Variants in SLC35F3 observed in about 807,000 individuals in gnomAD.
SLC35F3 encodes solute carrier family 35 member F3, also known as putative thiamine transporter SLC35F3.
A neutral mutation model predicts 49.9 loss-of-function variants in SLC35F3; 25 were observed. The ratio of observed to expected loss-of-function variants is 0.50; its 90% CI spans 0.37 to 0.70. The LOEUF (loss-of-function observed/expected upper bound fraction) is 0.70. SLC35F3 is among the 30% of genes least tolerant of loss of function. The pLI is 0.00. For synonymous variants in SLC35F3, 275 were observed against 265.4 expected (o/e 1.04, Z -0.35); for missense variants, 525 against 639.8 (o/e 0.82, Z 1.94).
At chr1:234,000,288 A>G (rs1299852886) in intron 2 of SLC35F3, among the ~76,000 whole-genome samples, 1 of 152,230 alleles carries the variant, frequency 6.6e-6, no homozygotes, top group Non-Finnish European at 1.5e-5. Flanking sequence ...CTCAGAAACT[A>G]AAGATGGAAT....
intron 2 of SLC35F3, among the ~76,000 whole-genome samples, chr1:234,016,389 T>C (rs997321859): frequency 6.6e-6 from 1 of 152,204 alleles, no homozygotes; most frequent in Non-Finnish European, 1.5e-5. Flanking sequence ...GGAATCAACC[T>C]AAGGATCCAT....
intron 3 of SLC35F3, among the ~76,000 whole-genome samples, chr1:234,282,365 G>T (rs1196005007): frequency 2.6e-5 from 4 of 152,164 alleles, no homozygotes; most frequent in Non-Finnish European, 5.9e-5. Flanking sequence ...TACAGATGGG[G>T]CTGGACCCTG....
At chr1:234,122,455 T>C (rs1259562320) in intron 2 of SLC35F3, among the ~76,000 whole-genome samples, 4 of 152,186 alleles carry the variant, frequency 2.6e-5, no homozygotes, top group Non-Finnish European at 4.4e-5. Flanking sequence ...ATTTGGGGCA[T>C]TTTTTTAAAA....
intron 2 of SLC35F3, among the ~76,000 whole-genome samples, chr1:234,117,910 ATATGTGTGTGTGTGTGTG>A (rs1218422612): frequency 6.3e-5 from 5 of 79,656 alleles, no homozygotes; most frequent in African/African-American, 8.7e-5. Flanking sequence ...AAAAGACTAT[ATATGTGTGTGTGTGTGTG>A]TGTGTGTGTG....
chr1:233,969,069 G>GC (rs991224388), intron 2 of SLC35F3, among the ~76,000 whole-genome samples: 3 of 147,366 alleles, frequency 2.0e-5, no homozygotes. Context: ...TTGGGGGGGG[G>GC]GACACAATTC....
intron 2 of SLC35F3, among the ~76,000 whole-genome samples, chr1:233,980,020 G>T (rs764185051): frequency 6.6e-6 from 1 of 152,188 alleles, no homozygotes; most frequent in Non-Finnish European, 1.5e-5. Flanking sequence ...ATATAGCCAG[G>T]CTTCCTGGCA....
chr1:233,991,936 A>G (rs1474585857), intron 2 of SLC35F3, among the ~76,000 whole-genome samples: 2 of 152,234 alleles, frequency 1.3e-5, no homozygotes, highest in East Asian at 1.9e-4. Context: ...GAATTTTCCT[A>G]ACACAAAGAA....
At chr1:233,955,961 C>T (rs1265689131) in intron 2 of SLC35F3, among the ~76,000 whole-genome samples, 1 of 140,292 alleles carries the variant, frequency 7.1e-6, no homozygotes, top group Admixed American at 7.7e-5. Context: ...GATCTCGGCT[C>T]ACTGCAACTT....
At chr1:234,049,704 T>A (rs1477192078) in intron 2 of SLC35F3, among the ~76,000 whole-genome samples, 3 of 152,166 alleles carry the variant, frequency 2.0e-5, no homozygotes, top group East Asian at 3.9e-4. Flanking sequence ...TTGTTACATA[T>A]GTATACATGT....
At chr1:233,992,590 C>T (rs1452832366) in intron 2 of SLC35F3, among the ~76,000 whole-genome samples, 1 of 152,172 alleles carries the variant, frequency 6.6e-6, no homozygotes, top group Admixed American at 6.5e-5. Context: ...AGCACCAAAC[C>T]ATTCATGAGG....
intron 2 of SLC35F3, among the ~76,000 whole-genome samples, chr1:234,106,795 C>G (rs1281322647): frequency 1.3e-5 from 2 of 152,118 alleles, no homozygotes; most frequent in African/African-American, 4.8e-5. Flanking sequence ...ATGTATGGAG[C>G]TATTGCAACC....
intron 3 of SLC35F3, among the ~76,000 whole-genome samples, chr1:234,236,370 G>A (rs1342473798): frequency 6.6e-6 from 1 of 152,058 alleles, no homozygotes; most frequent in East Asian, 1.9e-4. Flanking sequence ...GCCTTGGGAG[G>A]TTAAGGCTGT....
At position 234,137,509 on chromosome 1, in the gene SLC35F3, G is replaced by T. The variant is rs577843665; in HGVS notation, c.284-93908G>T. ...TCTGTGGGGGTTGAGGAAGGAATGG[G>T]AAGTAAAGGACTTAAAGAGAGCTCA... On this transcript the variant is annotated intron_variant, in intron 2 of 7. Coordinates refer to ENST00000366618, the MANE Select transcript of SLC35F3 (RefSeq NM_173508.4). Among the ~76,000 whole-genome samples the T allele has an allele frequency of 6.9e-4, 105 of 152,192 alleles. 3 individuals carry two copies. The highest frequency in any genetic ancestry group is 1.6e-4 in the Non-Finnish European group (11 of 68,026).
At chr1:234,140,002 A>AATAAAAAAAATAAAATAAAATAAAAT in intron 2 of SLC35F3, among the ~76,000 whole-genome samples, 1 of 105,368 alleles carries the variant, frequency 9.5e-6, no homozygotes, top group South Asian at 2.6e-4. Context: ...AATAAAATAA[A>AATAAAAAAAATAAAATAAAATAAAAT]GTAAGTGACT....
At chr1:234,165,280 T>C (rs1217276826) in intron 2 of SLC35F3, among the ~76,000 whole-genome samples, 1 of 152,210 alleles carries the variant, frequency 6.6e-6, no homozygotes, top group Non-Finnish European at 1.5e-5. Flanking sequence ...AAGGAGTTTA[T>C]TTAACATGTC....
At chr1:233,912,136 A>G (rs1156409111) in intron 2 of SLC35F3, among the ~76,000 whole-genome samples, 1 of 152,114 alleles carries the variant, frequency 6.6e-6, no homozygotes, top group African/African-American at 2.4e-5. Context: ...AGCAGAGGAA[A>G]TAGAATTCAC....
intron 3 of SLC35F3, among the ~76,000 whole-genome samples, chr1:234,247,814 CATGGGTCAGTTGGCTGGTGCATTGTTTG>C (rs1558272690): frequency 7.7e-6 from 1 of 129,152 alleles, no homozygotes; most frequent in Non-Finnish European, 1.7e-5. Flanking sequence ...TCCATTGTTT[CATGGGTCAGTTGGCTGGTGCATTGTTTG>C]ATGGGTCAGT....
At position 234,087,007 on chromosome 1, in the gene SLC35F3, AG is replaced by A. The variant is rs550508373; in HGVS notation, c.284-144409del. On this transcript the variant is annotated intron_variant, in intron 2 of 7. Transcript: ENST00000366618. ...CATATTGTATGCTGAGTCTTTTCAA[AG>A]CTTTGAGCCTGAGCTATAAACCTGA... is the stretch of plus-strand genomic sequence containing the variant. Among the ~76,000 whole-genome samples the A allele has an allele frequency of 2.2e-4, 33 of 152,338 alleles. No homozygotes were observed. The South Asian group carries it at 6.8e-3, about 32-fold the overall frequency.
chr1:234,286,753 A>G (rs947874295), intron 3 of SLC35F3, among the ~76,000 whole-genome samples: 1 of 152,250 alleles, frequency 6.6e-6, no homozygotes, highest in Non-Finnish European at 1.5e-5. Context: ...AACAATATGT[A>G]AAAGTTATAT....
Sources: allele counts gnomAD v4.1 joint callset (sites outside exome capture counted in the v4.1 genomes callset), GRCh38; gene constraint gnomAD v4.1.1; transcripts MANE v1.5; gene names NCBI Gene and HGNC (gene_info 2026-07-23, HGNC 2026-07-21).